Variants in MRPS35 observed in about 807,000 individuals in gnomAD.
MRPS35 encodes mitochondrial ribosomal protein S35.
In MRPS35, 29 loss-of-function variants were observed where a neutral mutation model predicts 32.7. The observed-to-expected ratio is 0.89, with a 90% CI of 0.66 to 1.21. The LOEUF is 1.21. MRPS35 is among the 50% of genes most tolerant of loss of function. The pLI, the probability that MRPS35 is intolerant of heterozygous loss-of-function variation, is 0.00. For missense variants in MRPS35, 373 were observed against 383.8 expected (o/e 0.97, Z 0.23); for synonymous variants, 148 against 139.3 (o/e 1.06, Z -0.44).
At chr12:27,734,277 T>C (rs1368996716) in intron 5 of MRPS35, among the ~76,000 whole-genome samples, 2 of 150,876 alleles carry the variant, frequency 1.3e-5, no homozygotes, top group Non-Finnish European at 3.0e-5. Context: ...AGTTTTGCTC[T>C]TGTTGCCCAG....
intron 7 of MRPS35, among the ~76,000 whole-genome samples, chr12:27,743,602 TAATA>T: frequency 6.6e-6 from 1 of 152,226 alleles, no homozygotes; most frequent in Non-Finnish European, 1.5e-5. Flanking sequence ...ATATGAAAGT[TAATA>T]AATCGTGGGG....
chr12:27,719,727 G>A, intron 3 of MRPS35, 81 bp from the exon 4 acceptor site: 2 of 883,708 alleles, frequency 2.3e-6, no homozygotes, highest in Non-Finnish European at 3.6e-6. Context: ...TTGGGCCTGT[G>A]ATTTAGTTTT....
intron 5 of MRPS35, chr12:27,725,668 G>C (rs2061896711): frequency 6.0e-6 from 1 of 167,034 alleles, no homozygotes; most frequent in African/African-American, 2.4e-5. Flanking sequence ...AACTTGATAG[G>C]TAAAAAATTT....
At chr12:27,741,259 G>C (rs1167385155) in intron 7 of MRPS35, among the ~76,000 whole-genome samples, 2 of 152,140 alleles carry the variant, frequency 1.3e-5, no homozygotes, top group Non-Finnish European at 2.9e-5. Context: ...GTTAGCATTG[G>C]AATGAATTTT....
intron 6 of MRPS35, among the ~76,000 whole-genome samples, chr12:27,736,047 C>T (rs965534403): frequency 3.9e-5 from 6 of 152,192 alleles, no homozygotes; most frequent in Non-Finnish European, 7.4e-5. Context: ...TTATAAATTG[C>T]GTCATTTTTT....
chr12:27,737,528 C>T lies in MRPS35; in HGVS notation c.633-11C>T. 1.2e-6 allele frequency: 2 copies of T among 1,610,472 alleles called. No homozygotes were observed. The highest frequency in any genetic ancestry group is 1.7e-6 in the Non-Finnish European group (2 of 1,177,514). On this transcript the variant is annotated splice_polypyrimidine_tract_variant and intron_variant, in intron 6 of 7. Coordinates refer to ENST00000081029, the MANE Select transcript of MRPS35 (RefSeq NM_021821.4). ...TTAGAATTTTGACTTCTCCCGCTTT[C>T]TCTTTAATAGGTGCCCTTTAAGGAG...
At chr12:27,711,518 T>G (rs73298141) in intron 1 of MRPS35, among the ~76,000 whole-genome samples, 3,120 of 152,214 alleles carry the variant, frequency 0.02, 68 homozygotes, top group African/African-American at 0.054. Flanking sequence ...AGAGGCGCTG[T>G]GATAGAAGTG....
At chr12:27,734,000 A>G (rs577572755) in intron 5 of MRPS35, among the ~76,000 whole-genome samples, 1 of 152,320 alleles carries the variant, frequency 6.6e-6, no homozygotes, top group Admixed American at 6.5e-5. Flanking sequence ...TCTTACCCTC[A>G]AGGGTTTCAA....
chr12:27,716,192 ATTTC>A, intron 2 of MRPS35, 95 bp from the exon 3 acceptor site: 3 of 1,209,102 alleles, frequency 2.5e-6, no homozygotes, highest in Non-Finnish European at 3.3e-6. Context: ...TTTTGCTTCT[ATTTC>A]TTGTAATTGT....
At chr12:27,743,946 G>A (rs1221563171) in intron 7 of MRPS35, among the ~76,000 whole-genome samples, 2 of 152,160 alleles carry the variant, frequency 1.3e-5, no homozygotes, top group Non-Finnish European at 2.9e-5. Context: ...TCTGAATTTG[G>A]TGGGGAGACA....
At chr12:27,752,068 C>A (rs2062006525) in intron 7 of MRPS35, among the ~76,000 whole-genome samples, 1 of 137,352 alleles carries the variant, frequency 7.3e-6, no homozygotes, top group African/African-American at 2.9e-5. Context: ...TAGCAAGACC[C>A]TGTCTCTACA....
Position 27,735,399 on chromosome 12 carries a change from A to G in MRPS35, c.523-48A>G, listed in dbSNP as rs2061939238. On this transcript the variant is annotated intron_variant, in intron 5 of 7. Transcript: ENST00000081029. ...TAACATTGCTACCTTTTTTTCACTA[A>G]ACAATTATATGAAATTATTTTTTCA... 2.9e-6 allele frequency: 4 copies of G among 1,402,168 alleles called. No individual in the cohort carries two copies. In the East Asian group the frequency reaches 1.0e-4, roughly 35 times the overall value. The allele number at this position is 1,402,168 out of a possible 1,614,324, so 86.9% of individuals were successfully genotyped here.
intron 5 of MRPS35, 132 bp downstream of exon 5, chr12:27,724,318 T>C: frequency 1.4e-6 from 1 of 719,070 alleles, no homozygotes; most frequent in Non-Finnish European, 2.0e-6. Context: ...GTGGGAGAAT[T>C]GCTTGAGCCC....
chr12:27,742,090 C>T (rs2061966232), intron 7 of MRPS35, among the ~76,000 whole-genome samples: 1 of 151,960 alleles, frequency 6.6e-6, no homozygotes, highest in Admixed American at 6.6e-5. Context: ...AGCAAGACCC[C>T]CAATAAAAAT....
intron 5 of MRPS35, among the ~76,000 whole-genome samples, chr12:27,730,746 C>T (rs1472715956): frequency 6.6e-6 from 1 of 152,178 alleles, no homozygotes; most frequent in African/African-American, 2.4e-5. Context: ...GCTGGGATTA[C>T]AGGCAGTGAG....
At chr12:27,738,483 TGTAA>T (rs1288313615) in intron 7 of MRPS35, among the ~76,000 whole-genome samples, 1 of 152,222 alleles carries the variant, frequency 6.6e-6, no homozygotes, top group African/African-American at 2.4e-5. Flanking sequence ...AGAGTTTTCA[TGTAA>T]GTATGTACAT....
chr12:27,742,364 G>T (rs1299827206), intron 7 of MRPS35, among the ~76,000 whole-genome samples: 3 of 152,274 alleles, frequency 2.0e-5, no homozygotes, highest in Non-Finnish European at 2.9e-5. Flanking sequence ...GTTGCTAGGT[G>T]CCACTATCAA....
chr12:27,730,384 A>G (rs1024923072), intron 5 of MRPS35, among the ~76,000 whole-genome samples: 2 of 152,156 alleles, frequency 1.3e-5, no homozygotes, highest in East Asian at 1.9e-4. Flanking sequence ...TTGGGGAGAA[A>G]AACCCCAGAA....
intron 5 of MRPS35, among the ~76,000 whole-genome samples, chr12:27,730,896 A>AT (rs1205174920): frequency 1.3e-5 from 2 of 152,200 alleles, no homozygotes; most frequent in African/African-American, 4.8e-5. Context: ...GAAAGTTACT[A>AT]TGCAGAGCCC....
Sources: gnomAD v4.1 joint callset for allele counts (sites outside exome capture counted in the v4.1 genomes callset) on GRCh38, gnomAD v4.1.1 for gene constraint, MANE v1.5 for transcripts, NCBI Gene and HGNC (gene_info 2026-07-23, HGNC 2026-07-21) for gene names.